The following DNAH12 variants were observed in gnomAD, a reference collection of about 807,000 sequenced individuals.
DNAH12 encodes the protein axonemal beta dynein heavy chain 12.
DNAH12 carries 285 observed loss-of-function variants against 371.5 expected under a neutral mutation model. The ratio of observed to expected loss-of-function variants is 0.77; its 90% CI spans 0.70 to 0.85. DNAH12 has a LOEUF of 0.85. Ranked by LOEUF, DNAH12 falls within the 40% of genes least tolerant of loss-of-function variation. The probability of loss-of-function intolerance (pLI) is 0.00; values close to 1 mark genes in which losing one functional copy is unlikely to be tolerated. For missense variants in DNAH12, 3,611 were observed against 3,689.4 expected (o/e 0.98, Z 0.55); for synonymous variants, 1,200 against 1,213.0 (o/e 0.99, Z 0.22).
intron 43 of DNAH12, among the ~76,000 whole-genome samples, chr3:57,398,287 T>C (rs1380834853): frequency 6.6e-6 from 1 of 152,090 alleles, no homozygotes; most frequent in Non-Finnish European, 1.5e-5. Context: ...GCCTAAGGGA[T>C]TTATGGTACA....
chr3:57,390,886 A>T lies in DNAH12; in HGVS notation c.7305+986T>A, dbSNP rs1313745599. Among the ~76,000 whole-genome samples the T allele has an allele frequency of 2.6e-5, 4 of 152,176 alleles. No individual in the cohort carries two copies. In the South Asian group the frequency reaches 6.2e-4, roughly 24 times the overall value. ...CTAAAAATATGTTGATGCTACTGTG[A>T]TATCTCTGGTATAAAACCAAATTCC... On this transcript the variant is annotated intron_variant, in intron 45 of 73. Coordinates refer to ENST00000495027, the MANE Select transcript of DNAH12 (RefSeq NM_001366028.2).
At chr3:57,417,307 C>T (rs1404101532) in intron 37 of DNAH12, among the ~76,000 whole-genome samples, 1 of 151,856 alleles carries the variant, frequency 6.6e-6, no homozygotes, top group African/African-American at 2.4e-5. Flanking sequence ...GAGTAATAGC[C>T]ATATTCAGTT....
chr3:57,501,605 A>G (rs2067549051), intron 10 of DNAH12, among the ~76,000 whole-genome samples, 193 bp from the exon 11 acceptor site: 1 of 152,194 alleles, frequency 6.6e-6, no homozygotes, highest in Non-Finnish European at 1.5e-5. Context: ...GACATTTTAA[A>G]ACAAAGGTAT....
intron 56 of DNAH12, among the ~76,000 whole-genome samples, chr3:57,367,483 TCCTC>T (rs1364257051): frequency 6.6e-6 from 1 of 152,238 alleles, no homozygotes; most frequent in Admixed American, 6.5e-5. Flanking sequence ...TGAGCTTTCT[TCCTC>T]CATCAATTTT....
At chr3:57,552,207 T>C in the DNAH12 span, among the ~76,000 whole-genome samples, 1,793 of 148,918 alleles carry the variant, frequency 0.012, 26 homozygotes, top group Non-Finnish European at 0.014. Context: ...ATCACGCCAC[T>C]GCACTCCAGC....
At chr3:57,463,561 A>T (rs927168773) in intron 17 of DNAH12, among the ~76,000 whole-genome samples, 2 of 151,856 alleles carry the variant, frequency 1.3e-5, no homozygotes, top group Non-Finnish European at 2.9e-5. Context: ...AATATTGTAA[A>T]TTTTTTTAAT....
rs1235644403 is a variant in DNAH12, at chr3:57,301,901, T to C, written c.11228A>G (p.Glu3743Gly). 35 of 1,551,646 alleles carry C rather than the reference T, an allele frequency of 2.3e-5. No homozygotes were observed. The highest frequency in any genetic ancestry group is 3.0e-5 in the Non-Finnish European group (34 of 1,146,980). Residue 3743 changes from glutamate to glycine, a missense_variant, in exon 70 of 74, where the codon GAA becomes GGA. Around this residue, in one of 3 missense-constraint regions of DNAH12, gnomAD observed 2,266 missense variants for 2,236.9 expected, o/e 1.01. Coordinates refer to ENST00000495027, the MANE Select transcript of DNAH12 (RefSeq NM_001366028.2). ...ITIRNTLRDL[E>G]KAIKGVVVMD... ...CACAACCACACCCTTAATAGCTTTT[T>C]CAAGGTCCCGTAGAGTGTTACGTAT... is the stretch of plus-strand genomic sequence containing the variant.
intron 17 of DNAH12, among the ~76,000 whole-genome samples, chr3:57,465,019 T>C (rs2066157632): frequency 6.6e-6 from 1 of 152,068 alleles, no homozygotes; most frequent in African/African-American, 2.4e-5. Context: ...GTAATATGGG[T>C]GGATATGAAG....
chr3:57,392,646 G>A (rs1038331888), intron 44 of DNAH12, among the ~76,000 whole-genome samples: 82 of 152,044 alleles, frequency 5.4e-4, no homozygotes, highest in Non-Finnish European at 7.6e-4. Context: ...TTTGTGCTAC[G>A]GGAAGATAAG....
chr3:57,296,639 C>A (rs921389280), intron 71 of DNAH12, among the ~76,000 whole-genome samples: 1 of 152,124 alleles, frequency 6.6e-6, no homozygotes, highest in African/African-American at 2.4e-5. Flanking sequence ...TACTGTACCT[C>A]ATAATTTTTG....
chr3:57,541,052 T>G lies in DNAH12; in HGVS notation c.170+1649A>C, dbSNP rs1222600250. ...ATGCATCTCTCCCCCTCCCTTTTAT[T>G]TTTTTGAGATGGAGTCTCGTTTTGT... On this transcript the variant is annotated intron_variant, in intron 2 of 73. Coordinates refer to ENST00000495027, the MANE Select transcript of DNAH12 (RefSeq NM_001366028.2). Among the ~76,000 whole-genome samples, 7 of 152,046 alleles carry G rather than the reference T, an allele frequency of 4.6e-5. 1 individual carries two copies. The highest frequency in any genetic ancestry group is 6.8e-3 in the Middle Eastern group (2 of 294).
intron 2 of DNAH12, among the ~76,000 whole-genome samples, chr3:57,535,555 T>C (rs1235451637): frequency 6.6e-6 from 1 of 152,148 alleles, no homozygotes; most frequent in African/African-American, 2.4e-5. Flanking sequence ...TTATTTTTTA[T>C]TTTTAAGACA....
intron 11 of DNAH12, among the ~76,000 whole-genome samples, chr3:57,496,789 C>T (rs145222849): frequency 4.6e-5 from 7 of 152,016 alleles, no homozygotes; most frequent in African/African-American, 1.7e-4. Flanking sequence ...GCCAACATGG[C>T]AAAACCCTGT....
intron 2 of DNAH12, 98 bp from the exon 3 acceptor site, chr3:57,523,982 A>G: frequency 1.3e-6 from 1 of 754,612 alleles, no homozygotes; most frequent in South Asian, 3.5e-5. Flanking sequence ...ACTAAGAGAT[A>G]TTCAAGAGTT....
Position 57,519,912 on chromosome 3 carries a change from C to T in DNAH12, c.279+3671G>A, listed in dbSNP as rs555648548. 118 of 936,724 alleles carry T rather than the reference C, an allele frequency of 1.3e-4. 1 individual carries two copies. The South Asian group carries it at 1.5e-3, about 12-fold the overall frequency. The allele number at this position is 936,724 out of a possible 1,614,324, so 58.0% of individuals were successfully genotyped here. A position where few individuals can be genotyped will look rare whatever the true frequency, so the allele number is the denominator to read the frequency against. On this transcript the variant is annotated intron_variant, in intron 4 of 73. Coordinates refer to ENST00000495027, the MANE Select transcript of DNAH12 (RefSeq NM_001366028.2). ...TCCACATGGCCACCACGTTCCACTT[C>T]TTGAGCTAGAACATCTTGTCGCCTC...
At chr3:57,532,287 T>C (rs1298645362) in intron 2 of DNAH12, among the ~76,000 whole-genome samples, 2 of 152,166 alleles carry the variant, frequency 1.3e-5, no homozygotes, top group Non-Finnish European at 2.9e-5. Context: ...AAACCACTAT[T>C]TTGAATTCTC....
At chr3:57,302,567 A>ATATATATATTTTTT (rs2061380979) in intron 69 of DNAH12, among the ~76,000 whole-genome samples, 1 of 27,480 alleles carries the variant, frequency 3.6e-5, no homozygotes. Context: ...ATATATATGT[A>ATATATATATTTTTT]TTTTTTTTTT....
intron 50 of DNAH12, among the ~76,000 whole-genome samples, chr3:57,381,784 C>T (rs2063397090): frequency 6.6e-6 from 1 of 152,006 alleles, no homozygotes. Context: ...AGTACAGGCA[C>T]CTCAGTGTTC....
rs934668804 is a variant in DNAH12, at chr3:57,356,031, G to T, written c.9533+1145C>A. Among the ~76,000 whole-genome samples, 443 of 152,254 alleles carry T rather than the reference G, an allele frequency of 2.9e-3. 2 individuals are homozygous for T. Among genetic ancestry groups the T allele is most frequent in the African/African-American group, 0.01 (419 of 41,526 alleles). ...GCAATTACCTCACGTTAACGAATTT[G>T]CCTGTAGGCATGCAGCTAGTATGTG... On this transcript the variant is annotated intron_variant, in intron 59 of 73. Transcript: ENST00000495027.
Sources: allele counts gnomAD v4.1 joint callset (sites outside exome capture counted in the v4.1 genomes callset), GRCh38; gene constraint gnomAD v4.1.1; regional missense constraint gnomAD v4.1.1; transcripts MANE v1.5; gene names NCBI Gene and HGNC (gene_info 2026-07-23, HGNC 2026-07-21).